TYROBP: variants seen among roughly 807,000 people sequenced by gnomAD.
TYROBP encodes TYRO protein tyrosine kinase-binding protein.
Under a neutral mutation model 17.1 loss-of-function variants are expected in TYROBP, and 14 were observed. The observed-to-expected ratio is 0.82, with a 90% CI of 0.54 to 1.28. The LOEUF (loss-of-function observed/expected upper bound fraction) is 1.28, where lower values mean the gene tolerates loss of function less well. Among genes scored for constraint, TYROBP ranks in the 50% most tolerant of loss-of-function variants. The pLI is 0.00. For synonymous variants in TYROBP, 73 were observed against 67.4 expected (o/e 1.08, Z -0.41); for missense variants, 161 against 151.4 (o/e 1.06, Z -0.33).
chr19:35,908,132 G>A, intron 1 of TYROBP, 36 bp downstream of exon 1: 1 of 1,601,870 alleles, frequency 6.2e-7, no homozygotes, highest in South Asian at 1.1e-5. Flanking sequence ...CTGAGCCCAG[G>A]GACCCGGGAG....
intron 4 of TYROBP, among the ~76,000 whole-genome samples, chr19:35,906,823 G>A (rs1254650037): frequency 6.6e-6 from 1 of 151,704 alleles, no homozygotes; most frequent in Non-Finnish European, 1.5e-5. Context: ...CGCCTCCTGG[G>A]TCAAAGGATT....
Position 35,908,183 on chromosome 19 carries a change from G to A in TYROBP, c.46C>T (p.Leu16=), listed in dbSNP as rs147393700. The part of the protein sequence containing the change: ...PCSRLLLLPL[L]LAVSGLRPVQ... ...CCTAACTCACCACTTACAGCCAGCA[G>A]GAGAGGCAGGAGCAGGAGCCTGCTG... The change falls in exon 1 of 5, where the codon CTG becomes TTG. Residue 16 remains leucine, a synonymous_variant. Transcript: ENST00000262629. The A allele has an allele frequency of 9.5e-4, 1,536 of 1,613,974 alleles. 2 individuals are homozygous for A. Among genetic ancestry groups the A allele is most frequent in the Non-Finnish European group, 8.9e-4 (1,053 of 1,179,970 alleles).
At chr19:35,906,128 T>A (rs949556588) in intron 4 of TYROBP, among the ~76,000 whole-genome samples, 1 of 151,286 alleles carries the variant, frequency 6.6e-6, no homozygotes, top group Non-Finnish European at 1.5e-5. Flanking sequence ...TCTTTTTTTT[T>A]TTTTTGAGAT....
At chr19:35,905,704 C>T (rs1239085678) in intron 4 of TYROBP, among the ~76,000 whole-genome samples, 2 of 151,336 alleles carry the variant, frequency 1.3e-5, no homozygotes, top group East Asian at 3.9e-4. Context: ...CCTCTAATCC[C>T]AGCACTTTGG....
Position 35,908,184 on chromosome 19 carries a change from G to C in TYROBP, c.45C>G (p.Leu15=). The C allele has an allele frequency of 7.4e-6, 12 of 1,613,968 alleles. No homozygotes were observed. Among genetic ancestry groups the C allele is most frequent in the East Asian group, 2.2e-5 (1 of 44,874 alleles). The change falls in exon 1 of 5, where the codon CTC becomes CTG. Residue 15 remains leucine (L), a synonymous_variant. Coordinates refer to ENST00000262629, the MANE Select transcript of TYROBP (RefSeq NM_003332.4). The part of the protein sequence containing the change: ...EPCSRLLLLP[L]LLAVSGLRPV... Reference sequence around the variant, plus strand: ...CTAACTCACCACTTACAGCCAGCAGGAGAGGCAGGAGCAGGAGCCTGCTGC... The same window carrying C: ...CTAACTCACCACTTACAGCCAGCAGCAGAGGCAGGAGCAGGAGCCTGCTGC...
intron 1 of TYROBP, 39 bp from the exon 2 acceptor site, chr19:35,907,801 A>G (rs1290475881): frequency 1.6e-5 from 26 of 1,599,124 alleles, no homozygotes; most frequent in Non-Finnish European, 2.2e-5. Context: ...GCACAGAGTT[A>G]TGACGGGGGT....
chr19:35,907,266 T>G lies in TYROBP; in HGVS notation c.230-2A>C. ...TGATACGCTGTTTCCGGGTCGCTGC[T>G]GGAGGTGAGGGGTGTTGTGGGGTGC... On this transcript the variant is annotated splice_acceptor_variant, in intron 3 of 4. Coordinates refer to ENST00000262629, the MANE Select transcript of TYROBP (RefSeq NM_003332.4). LOFTEE classifies it high-confidence loss of function. 1 of 1,611,228 alleles carries G rather than the reference T, an allele frequency of 6.2e-7. No homozygotes were observed. Among genetic ancestry groups the G allele is most frequent in the Non-Finnish European group, 8.5e-7 (1 of 1,178,892 alleles).
In TYROBP at chr19:35,904,438, G is replaced by T; in HGVS notation, c.*131C>A. The stretch of plus-strand genomic sequence containing the variant: ...TCATGTTTATTTTAGGAGAGTATTG[G>T]GGAGCGGTCTGGTCTCTCAGGGATG... On this transcript the variant is annotated 3_prime_UTR_variant, in exon 5 of 5. Transcript: ENST00000262629. 1.1e-6 allele frequency: 1 copy of T among 941,942 alleles called. No homozygotes were observed. 58.3% of individuals were successfully genotyped at this position (941,942 alleles called of 1,614,324 possible).
At chr19:35,905,175 G>A (rs996408215) in intron 4 of TYROBP, among the ~76,000 whole-genome samples, 1 of 152,172 alleles carries the variant, frequency 6.6e-6, no homozygotes. Flanking sequence ...CCAGTAACTG[G>A]AAGGGCCCCT....
chr19:35,907,764 T>C lies in TYROBP; in HGVS notation c.62-2A>G, dbSNP rs774787743. 1.2e-6 allele frequency: 2 copies of C among 1,612,088 alleles called. No homozygotes were observed. On this transcript the variant is annotated splice_acceptor_variant, in intron 1 of 4. Transcript: ENST00000262629. LOFTEE classifies it high-confidence loss of function. ...CCTGGGCCTGGACAGGACGGAGACCTGAGGAGGAAAAAGAAGGTAAACTGA... is the reference window on the plus strand; with the variant it reads ...CCTGGGCCTGGACAGGACGGAGACCCGAGGAGGAAAAAGAAGGTAAACTGA...
At chr19:35,905,334 T>G (rs1975695289) in intron 4 of TYROBP, among the ~76,000 whole-genome samples, 2 of 152,156 alleles carry the variant, frequency 1.3e-5, no homozygotes, top group Non-Finnish European at 2.9e-5. Flanking sequence ...AGGGGGAGGA[T>G]CTATGTGGCC....
chr19:35,907,817 A>T (rs1975768860), intron 1 of TYROBP, 55 bp from the exon 2 acceptor site: 23 of 1,587,360 alleles, frequency 1.4e-5, no homozygotes, highest in Non-Finnish European at 1.9e-5. Context: ...GGGGTGGGGG[A>T]GGCAAGTTTA....
At chr19:35,907,342 A>G (rs769567799) in intron 3 of TYROBP, 78 bp from the exon 4 acceptor site, 1 of 1,605,182 alleles carries the variant, frequency 6.2e-7, no homozygotes, top group South Asian at 1.1e-5. Context: ...CCAAATCAGC[A>G]CCTCCATTAC....
At chr19:35,906,259 T>C (rs1212142252) in intron 4 of TYROBP, among the ~76,000 whole-genome samples, 1 of 151,816 alleles carries the variant, frequency 6.6e-6, no homozygotes, top group African/African-American at 2.4e-5. Flanking sequence ...CCCAGCTAAT[T>C]TTTGTATTTT....
intron 1 of TYROBP, 67 bp downstream of exon 1, chr19:35,908,101 C>T (rs1975774709): frequency 3.5e-6 from 5 of 1,413,176 alleles, no homozygotes; most frequent in East Asian, 2.3e-5. Flanking sequence ...CGTTCCACCC[C>T]ACTCCCTGCC....
In TYROBP at chr19:35,907,463, C is replaced by A. The variant is rs1374419476; in HGVS notation, c.212G>T (p.Gly71Val). The change falls in exon 3 of 5, where the codon GGG becomes GTG. Residue 71 changes from glycine to valine, a missense_variant. Gly to Val is a moderately radical substitution (Grantham distance 109, BLOSUM62 -3). Transcript: ENST00000262629. ...VYFLGRLVPR[G>V]RGAAEAATRK... ...CCACTCACCCTCCGCAGCCCCTCGC[C>A]CCCGAGGGACCAGCCGGCCCAGGAA... is the stretch of plus-strand genomic sequence containing the variant. 2 of 1,613,334 alleles carry A rather than the reference C, an allele frequency of 1.2e-6. No homozygotes were observed. Among genetic ancestry groups the A allele is most frequent in the African/African-American group, 2.7e-5 (2 of 74,902 alleles).
chr19:35,904,435 T>C lies in TYROBP; in HGVS notation c.*134A>G, dbSNP rs543624561. The stretch of plus-strand genomic sequence containing the variant: ...GCTTCATGTTTATTTTAGGAGAGTA[T>C]TGGGGAGCGGTCTGGTCTCTCAGGG... On this transcript the variant is annotated 3_prime_UTR_variant, in exon 5 of 5. Coordinates refer to ENST00000262629, the MANE Select transcript of TYROBP (RefSeq NM_003332.4). 1.5e-5 allele frequency: 14 copies of C among 926,768 alleles called. No homozygotes were observed. The Admixed American group carries it at 2.0e-4, about 13-fold the overall frequency. 57.4% of individuals were successfully genotyped at this position (926,768 alleles called of 1,614,324 possible). A position where few individuals can be genotyped will look rare whatever the true frequency, so the allele number is the denominator to read the frequency against.
chr19:35,907,843 G>A lies in TYROBP; in HGVS notation c.62-81C>T, dbSNP rs564905258. 98 of 1,480,178 alleles carry A rather than the reference G, an allele frequency of 6.6e-5. 3 individuals carry two copies. In the South Asian group the frequency reaches 8.7e-4, roughly 13 times the overall value. The allele number at this position is 1,480,178 out of a possible 1,614,324, so 91.7% of individuals were successfully genotyped here. ...GGCAAGTTTAGAAGCCAGGGAAGGT[G>A]GATCCTGACAGCCAAGAGGTTAGCA... On this transcript the variant is annotated intron_variant, in intron 1 of 4. Coordinates refer to ENST00000262629, the MANE Select transcript of TYROBP (RefSeq NM_003332.4).
chr19:35,907,748 G>T lies in TYROBP; in HGVS notation c.76C>A (p.Gln26Lys). The T allele has an allele frequency of 6.2e-7, 1 of 1,613,808 alleles. No homozygotes were observed. The highest frequency in any genetic ancestry group is 8.5e-7 in the Non-Finnish European group (1 of 1,179,808). The change falls in exon 2 of 5, where the codon CAG becomes AAG. Residue 26 changes from glutamine (Q) to lysine (K), a missense_variant. Coordinates refer to ENST00000262629, the MANE Select transcript of TYROBP (RefSeq NM_003332.4). ...LLAVSGLRPV[Q>K]AQAQSDCSCS... ...GGCCTACCGCTCTGGGCCTGGGCCT[G>T]GACAGGACGGAGACCTGAGGAGGAA... is the stretch of plus-strand genomic sequence containing the variant.
Sources: gnomAD v4.1 joint callset for allele counts (sites outside exome capture counted in the v4.1 genomes callset) on GRCh38, gnomAD v4.1.1 for gene constraint, MANE v1.5 for transcripts, NCBI Gene and HGNC (gene_info 2026-07-23, HGNC 2026-07-21) for gene names.